DLGAP2: variants seen among roughly 807,000 people sequenced by gnomAD.
The protein encoded by DLGAP2 is disks large-associated protein 2.
Under a neutral mutation model 100.3 loss-of-function variants are expected in DLGAP2, and 26 were observed. The ratio of observed to expected loss-of-function variants is 0.26; its 90% CI spans 0.19 to 0.36. The LOEUF (loss-of-function observed/expected upper bound fraction) is 0.36. Ranked by LOEUF, DLGAP2 falls within the 10% of genes least tolerant of loss-of-function variation. DLGAP2 has a pLI of 1.00. For synonymous variants in DLGAP2, 886 were observed against 630.1 expected (o/e 1.41, Z -6.08); for missense variants, 1,858 against 1,453.2 (o/e 1.28, Z -4.53).
intron 3 of DLGAP2, among the ~76,000 whole-genome samples, chr8:1,455,138 T>C (rs1036978223): frequency 2.0e-5 from 3 of 152,240 alleles, no homozygotes; most frequent in Non-Finnish European, 4.4e-5. Context: ...GGCAACCCTG[T>C]GAGCGGCTGG....
chr8:1,177,916 G>T (rs1352290714), intron 2 of DLGAP2, among the ~76,000 whole-genome samples: 3 of 152,210 alleles, frequency 2.0e-5, no homozygotes, highest in African/African-American at 7.2e-5. Flanking sequence ...ATGCATTCCG[G>T]CCAGCAAAGC....
intron 3 of DLGAP2, among the ~76,000 whole-genome samples, chr8:1,453,159 C>G (rs75984498): frequency 1.6e-3 from 243 of 152,094 alleles, no homozygotes; most frequent in African/African-American, 4.9e-3. Context: ...TTGGAGCGCG[C>G]TGGGCAGAGG....
chr8:1,270,757 T>C (rs928153106), intron 3 of DLGAP2, among the ~76,000 whole-genome samples: 1 of 151,372 alleles, frequency 6.6e-6, no homozygotes, highest in African/African-American at 2.4e-5. Context: ...TGTGTCTACC[T>C]CTCTCTGTGT....
intron 8 of DLGAP2, among the ~76,000 whole-genome samples, chr8:1,649,091 A>G (rs1798106356): frequency 1.3e-5 from 2 of 152,196 alleles, no homozygotes; most frequent in South Asian, 4.1e-4. Context: ...TTTATTCTCC[A>G]GAAAAGTAAA....
chr8:1,375,023 G>T (rs1160782436), intron 3 of DLGAP2, among the ~76,000 whole-genome samples: 2 of 152,226 alleles, frequency 1.3e-5, no homozygotes, highest in Non-Finnish European at 2.9e-5. Flanking sequence ...GGTCACTGGG[G>T]AGCATGCTAC....
At chr8:1,361,111 C>G (rs894187222) in intron 3 of DLGAP2, among the ~76,000 whole-genome samples, 3 of 152,188 alleles carry the variant, frequency 2.0e-5, no homozygotes, top group East Asian at 1.9e-4. Context: ...ATGGTGCAGA[C>G]GAGCTGAGAT....
intron 8 of DLGAP2, among the ~76,000 whole-genome samples, chr8:1,667,110 G>C (rs934706494): frequency 1.3e-5 from 2 of 152,194 alleles, no homozygotes; most frequent in South Asian, 4.1e-4. Context: ...CTCTGATGAG[G>C]GGAGCAGATT....
chr8:1,119,791 A>G (rs1182509171), intron 2 of DLGAP2, among the ~76,000 whole-genome samples: 1 of 152,236 alleles, frequency 6.6e-6, no homozygotes, highest in Non-Finnish European at 1.5e-5. Context: ...ACAAGTTGTG[A>G]GAGTCACAGT....
intron 6 of DLGAP2, among the ~76,000 whole-genome samples, chr8:1,615,393 G>A (rs1349809364): frequency 1.3e-5 from 2 of 152,150 alleles, no homozygotes; most frequent in Non-Finnish European, 2.9e-5. Flanking sequence ...CCTTTATGCC[G>A]AAAAGAGGCT....
At chr8:796,281 C>T (rs1057374647) in intron 1 of DLGAP2, among the ~76,000 whole-genome samples, 11 of 152,304 alleles carry the variant, frequency 7.2e-5, no homozygotes, top group Admixed American at 1.3e-4. Context: ...CCCGGGATCC[C>T]GCTTGGACTT....
intron 2 of DLGAP2, among the ~76,000 whole-genome samples, chr8:1,038,559 G>A (rs374896214): frequency 3.4e-4 from 52 of 152,316 alleles, no homozygotes; most frequent in Middle Eastern, 6.8e-3. Flanking sequence ...AATATTAAAC[G>A]TTAGGAGTAA....
At chr8:1,385,676 C>T (rs1417950184) in intron 3 of DLGAP2, among the ~76,000 whole-genome samples, 2 of 94,746 alleles carry the variant, frequency 2.1e-5, no homozygotes, top group African/African-American at 3.9e-5. Flanking sequence ...GGCCTGTGCC[C>T]GTCCCCTGAG....
chr8:1,332,812 C>T (rs1275692617), intron 3 of DLGAP2, among the ~76,000 whole-genome samples: 1 of 152,186 alleles, frequency 6.6e-6, no homozygotes, highest in African/African-American at 2.4e-5. Flanking sequence ...AACCAAGCAT[C>T]AGATCAGCGT....
chr8:1,246,471 C>G (rs1798902870), intron 2 of DLGAP2, among the ~76,000 whole-genome samples: 10 of 152,198 alleles, frequency 6.6e-5, no homozygotes, highest in Admixed American at 6.5e-4. Context: ...TCCTCAGCCT[C>G]CTCTCACTGA....
At position 965,079 on chromosome 8, in the gene DLGAP2, C is replaced by G. The variant is rs1219173191; in HGVS notation, c.73+57113C>G. 2.0e-5 allele frequency among the ~76,000 whole-genome samples: 3 copies of G among 148,558 alleles called. No homozygotes were observed. In the East Asian group the frequency reaches 6.1e-4, roughly 30 times the overall value. ...CTCCTGAGTCTGACCCCGCACTGCA[C>G]ACGGCAGTGTTCATCACACACGCGG... On this transcript the variant is annotated intron_variant, in intron 2 of 14. Coordinates refer to ENST00000637795, the MANE Select transcript of DLGAP2 (RefSeq NM_001346810.2).
At chr8:1,091,942 G>A (rs1044679721) in intron 2 of DLGAP2, among the ~76,000 whole-genome samples, 3 of 152,112 alleles carry the variant, frequency 2.0e-5, no homozygotes, top group Non-Finnish European at 2.9e-5. Flanking sequence ...CCCAGCCTCT[G>A]GGAGTTCCAT....
intron 8 of DLGAP2, among the ~76,000 whole-genome samples, chr8:1,637,257 G>A (rs1458393755): frequency 6.6e-6 from 1 of 152,176 alleles, no homozygotes; most frequent in African/African-American, 2.4e-5. Context: ...TATGGGGAAA[G>A]GCTTTGGGAA....
intron 1 of DLGAP2, among the ~76,000 whole-genome samples, chr8:789,335 C>T (rs936339996): frequency 5.3e-5 from 8 of 152,152 alleles, no homozygotes; most frequent in Non-Finnish European, 7.3e-5. Flanking sequence ...AGGCATATCC[C>T]GCATGGCCGG....
At chr8:1,583,492 G>A (rs973448306) in intron 6 of DLGAP2, among the ~76,000 whole-genome samples, 4 of 152,166 alleles carry the variant, frequency 2.6e-5, no homozygotes, top group Non-Finnish European at 4.4e-5. Flanking sequence ...GGCAGGGAGC[G>A]TCGGGGCTGC....
Sources: gnomAD v4.1 joint callset for allele counts (sites outside exome capture counted in the v4.1 genomes callset) on GRCh38, gnomAD v4.1.1 for gene constraint, MANE v1.5 for transcripts, NCBI Gene and HGNC (gene_info 2026-07-23, HGNC 2026-07-21) for gene names.